ASTN1: variants seen among roughly 807,000 people sequenced by gnomAD.
The protein encoded by ASTN1 is astrotactin 1, also known as astrotactin-1.
In ASTN1, 41 loss-of-function variants were observed where a neutral mutation model predicts 140.7. The observed-to-expected ratio is 0.29, with a 90% CI of 0.23 to 0.38. ASTN1 has a LOEUF of 0.38. Among genes scored for constraint, ASTN1 ranks in the 10% least tolerant of loss-of-function variants. The probability of loss-of-function intolerance (pLI) is 1.00; values close to 1 mark genes in which losing one functional copy is unlikely to be tolerated. For missense variants in ASTN1, 1,479 were observed against 1,678.8 expected (o/e 0.88, Z 2.08); for synonymous variants, 640 against 652.2 (o/e 0.98, Z 0.29).
At chr1:177,027,713 AGTGTGTGTGT>A (rs56405518) in intron 5 of ASTN1, among the ~76,000 whole-genome samples, 1,707 of 118,642 alleles carry the variant, frequency 0.014, 16 homozygotes, top group Middle Eastern at 0.018. Context: ...AACCCAGTAC[AGTGTGTGTGT>A]GTGTGTGTGT....
intron 11 of ASTN1, among the ~76,000 whole-genome samples, chr1:176,957,358 C>G (rs1186238060): frequency 6.6e-6 from 1 of 152,080 alleles, no homozygotes; most frequent in Non-Finnish European, 1.5e-5. Context: ...ATCACTCTAG[C>G]TTTAGGTAGG....
In ASTN1 at chr1:177,032,588, C is replaced by T. The variant is rs1373284353; in HGVS notation, c.733G>A (p.Asp245Asn). The T allele has an allele frequency of 1.2e-6, 2 of 1,614,102 alleles. No homozygotes were observed. Among genetic ancestry groups the T allele is most frequent in the Non-Finnish European group, 1.7e-6 (2 of 1,180,048 alleles). ...ETPILDGYEY[D>N]ITDLRHHLQR... The stretch of plus-strand genomic sequence containing the variant: ...AGATGGTGGCGCAGATCAGTGATGT[C>T]ATACTCATAGCCGTCCAGGATAGGT... The change falls in exon 3 of 23, where the codon GAC becomes AAC. Residue 245 changes from aspartate (D) to asparagine (N), a missense_variant. Asp to Asn is a conservative substitution (Grantham distance 23). Transcript: ENST00000361833.
rs1234686945 is a variant in ASTN1 at position 176,993,376 on chromosome 1, C to A, written c.1523+21415G>T. Among the ~76,000 whole-genome samples the A allele has an allele frequency of 3.3e-5, 5 of 152,296 alleles. No homozygotes were observed. In the East Asian group the frequency reaches 9.6e-4, roughly 29 times the overall value. ...TTGGCTATATGTGGGTGCTATGGAACTCCAGGGAGAATCTTTTAAATTGTG... is the reference window on the plus strand; with the variant it reads ...TTGGCTATATGTGGGTGCTATGGAAATCCAGGGAGAATCTTTTAAATTGTG... On this transcript the variant is annotated intron_variant, in intron 8 of 22. Coordinates refer to ENST00000361833, the MANE Select transcript of ASTN1 (RefSeq NM_004319.3).
At chr1:177,105,475 T>C (rs538266887) in intron 1 of ASTN1, among the ~76,000 whole-genome samples, 1 of 152,066 alleles carries the variant, frequency 6.6e-6, no homozygotes, top group African/African-American at 2.4e-5. Flanking sequence ...AAAATTATTT[T>C]TCCCATATTC....
At chr1:176,992,274 T>G (rs1412907946) in intron 8 of ASTN1, among the ~76,000 whole-genome samples, 1 of 152,190 alleles carries the variant, frequency 6.6e-6, no homozygotes, top group Admixed American at 6.5e-5. Context: ...AACATTTCCC[T>G]GGCATCCAAC....
At chr1:177,070,133 C>T (rs774165470) in intron 1 of ASTN1, among the ~76,000 whole-genome samples, 12 of 152,134 alleles carry the variant, frequency 7.9e-5, no homozygotes, top group Middle Eastern at 3.2e-3. Flanking sequence ...TGAAGTTTCA[C>T]GACTGGAATT....
intron 11 of ASTN1, among the ~76,000 whole-genome samples, chr1:176,956,473 T>C (rs560571747): frequency 6.6e-5 from 10 of 152,234 alleles, no homozygotes; most frequent in African/African-American, 2.4e-4. Context: ...CAGCGCAGCA[T>C]CCTCACAGCT....
At chr1:176,942,827 T>TAC (rs1409696289) in intron 14 of ASTN1, among the ~76,000 whole-genome samples, 1 of 19,348 alleles carries the variant, frequency 5.2e-5, no homozygotes, top group African/African-American at 3.3e-4. Flanking sequence ...TGTGTATATA[T>TAC]ATATATATGT....
intron 8 of ASTN1, among the ~76,000 whole-genome samples, chr1:176,982,395 C>T (rs1673659533): frequency 6.6e-6 from 1 of 152,192 alleles, no homozygotes. Context: ...TTTGCTAGAG[C>T]AGCCATTCGC....
At chr1:177,042,029 G>T (rs1019613200) in intron 2 of ASTN1, among the ~76,000 whole-genome samples, 1 of 152,056 alleles carries the variant, frequency 6.6e-6, no homozygotes, top group Non-Finnish European at 1.5e-5. Flanking sequence ...GGGGAAAGAG[G>T]GTCAAGATGT....
chr1:177,059,696 T>C (rs1400806153), intron 2 of ASTN1, among the ~76,000 whole-genome samples: 1 of 152,132 alleles, frequency 6.6e-6, no homozygotes, highest in East Asian at 1.9e-4. Flanking sequence ...TTATCAGAGA[T>C]TTTATAGAGA....
chr1:176,990,155 A>G (rs919990938), intron 8 of ASTN1, among the ~76,000 whole-genome samples: 7 of 140,022 alleles, frequency 5.0e-5, no homozygotes, highest in Admixed American at 4.8e-4. Flanking sequence ...GCCTGAGATG[A>G]TCTGAACCAA....
intron 16 of ASTN1, among the ~76,000 whole-genome samples, chr1:176,907,367 A>G (rs1031087686): frequency 6.6e-6 from 1 of 152,240 alleles, no homozygotes; most frequent in Non-Finnish European, 1.5e-5. Context: ...TAATATCATT[A>G]CTGTTTGGTA....
chr1:177,084,991 G>C (rs6425408), intron 1 of ASTN1, among the ~76,000 whole-genome samples: 69,162 of 151,966 alleles, frequency 0.46, 17,185 homozygotes, highest in Non-Finnish European at 0.57. Context: ...CCAAGAGCCT[G>C]CTGAAGACAT....
At chr1:176,965,853 A>G (rs1215341319) in intron 8 of ASTN1, among the ~76,000 whole-genome samples, 3 of 152,216 alleles carry the variant, frequency 2.0e-5, no homozygotes, top group Non-Finnish European at 4.4e-5. Flanking sequence ...GGTTTCAGAC[A>G]TCTTCAAACG....
At chr1:176,908,984 A>C (rs2103057015) in intron 16 of ASTN1, among the ~76,000 whole-genome samples, 1 of 152,300 alleles carries the variant, frequency 6.6e-6, no homozygotes, top group Admixed American at 6.5e-5. Flanking sequence ...ATTCCTGCAT[A>C]ATAAAGGGGC....
At chr1:176,902,898 A>G (rs1019271959) in intron 16 of ASTN1, among the ~76,000 whole-genome samples, 1 of 152,190 alleles carries the variant, frequency 6.6e-6, no homozygotes, top group African/African-American at 2.4e-5. Context: ...GAGGAACAAG[A>G]ATTAAATCCA....
chr1:176,897,844 AG>A (rs1669587417), intron 16 of ASTN1, among the ~76,000 whole-genome samples: 1 of 152,182 alleles, frequency 6.6e-6, no homozygotes, highest in Non-Finnish European at 1.5e-5. Context: ...ACTACTTCAA[AG>A]GGGAAGTAAT....
chr1:177,069,456 C>A (rs1488436329), intron 1 of ASTN1, among the ~76,000 whole-genome samples: 2 of 152,040 alleles, frequency 1.3e-5, no homozygotes, highest in East Asian at 3.9e-4. Flanking sequence ...AAATAAGCAC[C>A]CTGGAGAGTC....
Sources: allele counts gnomAD v4.1 joint callset (sites outside exome capture counted in the v4.1 genomes callset), GRCh38; gene constraint gnomAD v4.1.1; transcripts MANE v1.5; gene names NCBI Gene and HGNC (gene_info 2026-07-23, HGNC 2026-07-21).